ARHGEF12: variants seen among roughly 807,000 people sequenced by gnomAD.
ARHGEF12 encodes the protein Rho guanine nucleotide exchange factor 12.
ARHGEF12 carries 66 observed loss-of-function variants against 211.2 expected under a neutral mutation model. The observed-to-expected ratio is 0.31, with a 90% CI of 0.26 to 0.38. The LOEUF (loss-of-function observed/expected upper bound fraction) is 0.38. ARHGEF12 is among the 10% of genes least tolerant of loss of function. The probability of loss-of-function intolerance (pLI) is 1.00; values close to 1 mark genes in which losing one functional copy is unlikely to be tolerated. For synonymous variants in ARHGEF12, 592 were observed against 638.4 expected, an observed-to-expected ratio of 0.93 and a Z score of 1.09; for missense variants, 1,429 against 1,869.5, an observed-to-expected ratio of 0.76 and a Z score of 4.34.
intron 1 of ARHGEF12, among the ~76,000 whole-genome samples, chr11:120,341,627 G>A (rs1942540123): frequency 6.6e-6 from 1 of 152,220 alleles, no homozygotes; most frequent in Non-Finnish European, 1.5e-5. Context: ...CTGGTTCCCA[G>A]AGGTAATTGA....
intron 13 of ARHGEF12, among the ~76,000 whole-genome samples, chr11:120,441,180 G>A (rs796993092): frequency 1.6e-4 from 25 of 152,110 alleles, no homozygotes; most frequent in African/African-American, 5.8e-4. Context: ...ATAGTTGGGG[G>A]TAATGCTGGT....
Position 120,486,420 on chromosome 11 carries a change from C to T in ARHGEF12, c.*1343C>T. 4.3e-6 allele frequency: 1 copy of T among 232,038 alleles called. No homozygotes were observed. The highest frequency in any genetic ancestry group is 8.5e-6 in the Non-Finnish European group (1 of 117,166). The allele number at this position is 232,038 out of a possible 1,614,324, so 14.4% of individuals were successfully genotyped here. ...AGACCAGCACATACACTGGACACTG[C>T]AGGCAAGGTGTTGGTAACTGCCTGC... On this transcript the variant is annotated 3_prime_UTR_variant, in exon 41 of 41. Transcript: ENST00000397843.
chr11:120,417,582 T>G (rs1270932052), intron 4 of ARHGEF12, among the ~76,000 whole-genome samples: 1 of 150,208 alleles, frequency 6.7e-6, no homozygotes, highest in African/African-American at 2.5e-5. Flanking sequence ...TGGTGCAGTC[T>G]CGGCTCACTG....
intron 34 of ARHGEF12, chr11:120,476,958 A>T (rs376921152): frequency 6.1e-5 from 36 of 587,136 alleles, no homozygotes; most frequent in African/African-American, 5.9e-4. Flanking sequence ...CTAAAGAAAA[A>T]ATTGTGCAAA....
chr11:120,421,206 T>C (rs1055313885), intron 5 of ARHGEF12, among the ~76,000 whole-genome samples: 24 of 152,208 alleles, frequency 1.6e-4, no homozygotes, highest in Non-Finnish European at 4.4e-5. Flanking sequence ...AAATACCATT[T>C]ATTTTCCCAA....
At chr11:120,368,230 A>G (rs541876298) in intron 1 of ARHGEF12, among the ~76,000 whole-genome samples, 1 of 152,154 alleles carries the variant, frequency 6.6e-6, no homozygotes, top group African/African-American at 2.4e-5. Flanking sequence ...CATGATAACA[A>G]CATCATCTTA....
intron 1 of ARHGEF12, among the ~76,000 whole-genome samples, chr11:120,359,525 A>G (rs569020549): frequency 9.2e-5 from 14 of 152,380 alleles, no homozygotes; most frequent in African/African-American, 3.1e-4. Flanking sequence ...TACAGGCATA[A>G]GCCAAAGTGC....
At chr11:120,421,433 T>G (rs1945183952) in intron 5 of ARHGEF12, among the ~76,000 whole-genome samples, 1 of 97,904 alleles carries the variant, frequency 1.0e-5, no homozygotes. Context: ...AGCCTTGTTT[T>G]TTTTTTTTGT....
intron 5 of ARHGEF12, among the ~76,000 whole-genome samples, chr11:120,421,301 AT>A (rs542052423): frequency 6.6e-6 from 1 of 152,022 alleles, no homozygotes; most frequent in Non-Finnish European, 1.5e-5. Context: ...GAGGTAGACA[AT>A]TTTTTTATCC....
intron 27 of ARHGEF12, chr11:120,464,350 A>T (rs1946633968): frequency 6.6e-6 from 1 of 152,056 alleles, no homozygotes; most frequent in African/African-American, 2.4e-5. Context: ...AGGCCAAGGC[A>T]GGCGGATCAC....
Position 120,487,422 on chromosome 11 carries a change from T to G in ARHGEF12, c.*2345T>G, listed in dbSNP as rs906852466. 32 of 217,524 alleles carry G rather than the reference T, an allele frequency of 1.5e-4. No individual in the cohort carries two copies. The highest frequency in any genetic ancestry group is 7.2e-4 in the African/African-American group (32 of 44,508). The allele number at this position is 217,524 out of a possible 1,614,324, so 13.5% of individuals were successfully genotyped here. A position where few individuals can be genotyped will look rare whatever the true frequency, so the allele number is the denominator to read the frequency against. ...AAAATATCTCACAATTTTTGAATGT[T>G]CTTTTTATCTTACCGACCTAACTTC... On this transcript the variant is annotated 3_prime_UTR_variant, in exon 41 of 41. Transcript: ENST00000397843.
intron 1 of ARHGEF12, among the ~76,000 whole-genome samples, chr11:120,399,650 A>G (rs945073038): frequency 2.0e-5 from 3 of 152,138 alleles, no homozygotes; most frequent in Non-Finnish European, 4.4e-5. Flanking sequence ...TTTCAGAAAT[A>G]AAAGATTCCT....
chr11:120,390,964 T>C (rs1430356342), intron 1 of ARHGEF12, among the ~76,000 whole-genome samples: 3 of 152,226 alleles, frequency 2.0e-5, no homozygotes, highest in African/African-American at 7.2e-5. Flanking sequence ...AAGCAGATAC[T>C]GTAAGTATGC....
chr11:120,450,960 C>G (rs1245630899), intron 21 of ARHGEF12: 2 of 152,388 alleles, frequency 1.3e-5, no homozygotes, highest in Non-Finnish European at 2.9e-5. Context: ...CGTCGTCCTG[C>G]CTCACCCCTC....
chr11:120,442,549 G>C (rs1179468235), intron 15 of ARHGEF12, among the ~76,000 whole-genome samples: 1 of 151,660 alleles, frequency 6.6e-6, no homozygotes, highest in Non-Finnish European at 1.5e-5. Flanking sequence ...TATATATTAA[G>C]ACCCAAGGAA....
intron 1 of ARHGEF12, among the ~76,000 whole-genome samples, chr11:120,354,604 T>G (rs535449799): frequency 6.6e-6 from 1 of 152,366 alleles, no homozygotes; most frequent in African/African-American, 2.4e-5. Flanking sequence ...TGTGTTGTTT[T>G]TTAACCCTTT....
At position 120,485,237 on chromosome 11, in the gene ARHGEF12, T is replaced by A; in HGVS notation, c.*160T>A. Reference sequence around the variant, plus strand: ...AGTCCCAAGGTGCCCAGAGTGGGACTAGTTCTTCACAGTGTGGCAGCTGCA... The same window carrying A: ...AGTCCCAAGGTGCCCAGAGTGGGACAAGTTCTTCACAGTGTGGCAGCTGCA... On this transcript the variant is annotated 3_prime_UTR_variant, in exon 41 of 41. Transcript: ENST00000397843. The A allele has an allele frequency of 1.3e-6, 1 of 767,522 alleles. No homozygotes were observed. The highest frequency in any genetic ancestry group is 2.2e-6 in the Non-Finnish European group (1 of 461,688). The allele number at this position is 767,522 out of a possible 1,614,324, so 47.5% of individuals were successfully genotyped here. A position where few individuals can be genotyped will look rare whatever the true frequency, so the allele number is the denominator to read the frequency against.
intron 1 of ARHGEF12, among the ~76,000 whole-genome samples, chr11:120,375,771 T>G (rs1259968514): frequency 6.6e-6 from 1 of 152,172 alleles, no homozygotes; most frequent in Non-Finnish European, 1.5e-5. Flanking sequence ...TACCTATTGT[T>G]CTTTTTCTTT....
chr11:120,340,881 T>G (rs1294149024), intron 1 of ARHGEF12, among the ~76,000 whole-genome samples: 1 of 152,206 alleles, frequency 6.6e-6, no homozygotes, highest in African/African-American at 2.4e-5. Flanking sequence ...CTAAAGTAAC[T>G]TTTTTTGAAA....
Sources: gnomAD v4.1 joint callset for allele counts (sites outside exome capture counted in the v4.1 genomes callset) on GRCh38, gnomAD v4.1.1 for gene constraint, MANE v1.5 for transcripts, NCBI Gene and HGNC (gene_info 2026-07-23, HGNC 2026-07-21) for gene names.